SMUG1: variants seen among roughly 807,000 people sequenced by gnomAD.
SMUG1 encodes the protein single-strand-selective monofunctional uracil-DNA glycosylase 1, also known as single-strand selective monofunctional uracil DNA glycosylase.
SMUG1 carries 13 observed loss-of-function variants against 23.9 expected under a neutral mutation model. That is an observed-to-expected ratio of 0.54 (90% confidence interval 0.35 to 0.86). SMUG1 has a LOEUF of 0.86. SMUG1 is among the 40% of genes least tolerant of loss of function. SMUG1 has a pLI of 0.01. For missense variants in SMUG1, 313 were observed against 339.5 expected, an observed-to-expected ratio of 0.92 and a Z score of 0.61; for synonymous variants, 133 against 139.8, an observed-to-expected ratio of 0.95 and a Z score of 0.34.
chr12:54,183,608 C>A (rs1360239306), intron 3 of SMUG1, 48 bp downstream of exon 3: 1 of 1,596,028 alleles, frequency 6.3e-7, no homozygotes. Context: ...AGCCAAGCAT[C>A]CACCTAGAAC....
At chr12:54,175,736 C>T (rs541598173), downstream of SMUG1, among the ~76,000 whole-genome samples, 3 of 152,152 alleles carry the variant, frequency 2.0e-5, no homozygotes, top group African/African-American at 4.8e-5. Flanking sequence ...CAGTGAACAA[C>T]GTGAGGGTAA....
intron 4 of SMUG1, among the ~76,000 whole-genome samples, chr12:54,159,325 G>T (rs537849637): frequency 5.3e-4 from 80 of 152,346 alleles, no homozygotes; most frequent in African/African-American, 1.9e-3. Context: ...GCCACAGAGC[G>T]GGAGGGTCAC....
rs551681709 is a variant in SMUG1, at chr12:54,171,412, T to C, written c.*52+613A>G. ...TCACCATTAAACTATAGACTTGTGGTCGGGCGCGGTGGCTCACACTTGTAA... is the reference window on the plus strand; with the variant it reads ...TCACCATTAAACTATAGACTTGTGGCCGGGCGCGGTGGCTCACACTTGTAA... On this transcript the variant is annotated intron_variant and NMD_transcript_variant, in intron 3 of 4. Transcript: ENST00000509864. Among the ~76,000 whole-genome samples the C allele has an allele frequency of 3.2e-4, 47 of 148,660 alleles. 2 individuals carry two copies. The highest frequency in any genetic ancestry group is 1.1e-3 in the South Asian group (5 of 4,460).
Position 54,181,387 on chromosome 12 carries a change from T to C in SMUG1, c.*709A>G. The C allele has an allele frequency of 6.1e-6, 4 of 654,150 alleles. No individual in the cohort carries two copies. Among genetic ancestry groups the C allele is most frequent in the Non-Finnish European group, 1.1e-5 (4 of 380,822 alleles). The allele number at this position is 654,150 out of a possible 1,614,324, so 40.5% of individuals were successfully genotyped here. ...AATGAGCACCCACATGCCAAGCCCA[T>C]GCAAGGCACTTTCAAGTGTGATCTC... On this transcript the variant is annotated 3_prime_UTR_variant, in exon 4 of 4. Transcript: ENST00000682136.
chr12:54,182,123 C>T lies in SMUG1; in HGVS notation c.786G>A (p.Leu262=). 1 of 1,559,914 alleles carries T rather than the reference C, an allele frequency of 6.4e-7. No individual in the cohort carries two copies. Among genetic ancestry groups the T allele is most frequent in the Non-Finnish European group, 8.7e-7 (1 of 1,151,604 alleles). ...ATTTCAACAGCAGTGGCAGCAGCCC[C>T]AGCTCATTCAATCTTTCCTTGGCCA... ...EAVAKERLNE[L]GLLPLLLK The change falls in exon 4 of 4, where the codon CTG becomes CTA. Residue 262 remains leucine, a synonymous_variant. Coordinates refer to ENST00000682136, the MANE Select transcript of SMUG1 (RefSeq NM_001243787.2).
chr12:54,179,710 C>A (rs552639005), downstream of SMUG1, among the ~76,000 whole-genome samples: 33 of 152,266 alleles, frequency 2.2e-4, no homozygotes, highest in South Asian at 1.0e-3. Flanking sequence ...ACCACCTGCA[C>A]TTCTGACCAA....
chr12:54,165,219 G>A (rs958979015), intron 4 of SMUG1, among the ~76,000 whole-genome samples: 3 of 152,150 alleles, frequency 2.0e-5, no homozygotes, highest in African/African-American at 7.2e-5. Flanking sequence ...AGCAGGACCT[G>A]GTGTGACTGC....
In SMUG1 at chr12:54,182,379, A is replaced by C; in HGVS notation, c.530T>G (p.Leu177Arg). The C allele has an allele frequency of 6.2e-7, 1 of 1,614,200 alleles. No individual in the cohort carries two copies. The highest frequency in any genetic ancestry group is 8.5e-7 in the Non-Finnish European group (1 of 1,180,038). The part of the protein sequence containing the change: ...LLFLAPSGRN[L>R]TPAELPAKQR... Reference sequence around the variant, plus strand: ...CTTGGCAGGCAGCTCAGCAGGAGTAAGGTTGCGCCCGCTGGGAGCCAGGAA... The same window carrying C: ...CTTGGCAGGCAGCTCAGCAGGAGTACGGTTGCGCCCGCTGGGAGCCAGGAA... The change falls in exon 4 of 4, where the codon CTT becomes CGT. Residue 177 changes from leucine (L) to arginine (R), a missense_variant. Transcript: ENST00000682136.
chr12:54,178,031 ATCCT>A (rs1481770029), downstream of SMUG1, among the ~76,000 whole-genome samples: 24 of 152,230 alleles, frequency 1.6e-4, no homozygotes, highest in Admixed American at 1.2e-3. Flanking sequence ...TACAACTGGT[ATCCT>A]TCCAAGAAGA....
chr12:54,182,134 A>G lies in SMUG1; in HGVS notation c.775T>C (p.Leu259=). Residue 259 remains leucine (L), a synonymous_variant, in exon 4 of 4, where the codon TTG becomes CTG. Transcript: ENST00000682136. ...AGTGGCAGCAGCCCCAGCTCATTCA[A>G]TCTTTCCTTGGCCACTGCCTCCCAG... ...KGWEAVAKER[L]NELGLLPLLL... 4 of 1,568,928 alleles carry G rather than the reference A, an allele frequency of 2.5e-6. No individual in the cohort carries two copies. The highest frequency in any genetic ancestry group is 3.5e-4 in the Middle Eastern group (2 of 5,698).
chr12:54,184,936 G>A (rs1009870325), intron 2 of SMUG1, among the ~76,000 whole-genome samples: 3 of 152,236 alleles, frequency 2.0e-5, no homozygotes, highest in African/African-American at 7.2e-5. Context: ...GGCCAAGGCG[G>A]CTGAATCACC....
Position 54,181,861 on chromosome 12 carries a change from T to C in SMUG1, c.*235A>G, listed in dbSNP as rs1941142825. The C allele has an allele frequency of 7.0e-7, 1 of 1,421,434 alleles. No individual in the cohort carries two copies. Among genetic ancestry groups the C allele is most frequent in the Non-Finnish European group, 9.1e-7 (1 of 1,093,388 alleles). 88.1% of individuals were successfully genotyped at this position (1,421,434 alleles called of 1,614,324 possible). A position where few individuals can be genotyped will look rare whatever the true frequency, so the allele number is the denominator to read the frequency against. On this transcript the variant is annotated 3_prime_UTR_variant, in exon 4 of 4. Coordinates refer to ENST00000682136, the MANE Select transcript of SMUG1 (RefSeq NM_001243787.2). ...AGATTCCCTACAAAGTGGGGTCCCC[T>C]GAAAGGGGCAATGTTAAAAGGTAAA...
At chr12:54,163,451 A>C (rs1940337265), downstream of SMUG1, among the ~76,000 whole-genome samples, 1 of 152,270 alleles carries the variant, frequency 6.6e-6, no homozygotes, top group Non-Finnish European at 1.5e-5. Context: ...TAAAGTGCTT[A>C]GATTAGTGCC....
At chr12:54,163,789 G>A (rs1940349783), downstream of SMUG1, among the ~76,000 whole-genome samples, 1 of 152,206 alleles carries the variant, frequency 6.6e-6, no homozygotes, top group Admixed American at 6.5e-5. Flanking sequence ...TCTGTAAAAT[G>A]GGGATAATAA....
At chr12:54,168,111 G>A (rs1592346350) in intron 3 of SMUG1, among the ~76,000 whole-genome samples, 2 of 152,332 alleles carry the variant, frequency 1.3e-5, no homozygotes, top group Non-Finnish European at 1.5e-5. Context: ...GTCTTTGAGA[G>A]AGATGCTGTT....
chr12:54,182,773 G>A (rs1187007742), intron 3 of SMUG1, 150 bp from the exon 4 acceptor site: 11 of 1,410,874 alleles, frequency 7.8e-6, no homozygotes, highest in South Asian at 1.5e-5. Flanking sequence ...AAGGATTCTT[G>A]GCCCTATGGT....
rs373652924 is a variant in SMUG1 at position 54,183,636 on chromosome 12, G to A, written c.285+20C>T. On this transcript the variant is annotated intron_variant, in intron 3 of 3. Coordinates refer to ENST00000682136, the MANE Select transcript of SMUG1 (RefSeq NM_001243787.2). ...CCTAGAACCCCCCACTCCACCCACTGGGGAAGCCAAACCCTTTACCCCAGT... is the reference window on the plus strand; with the variant it reads ...CCTAGAACCCCCCACTCCACCCACTAGGGAAGCCAAACCCTTTACCCCAGT... The A allele has an allele frequency of 6.2e-7, 1 of 1,612,946 alleles. No individual in the cohort carries two copies. The highest frequency in any genetic ancestry group is 1.3e-5 in the African/African-American group (1 of 74,804).
Position 54,181,506 on chromosome 12 carries a change from A to G in SMUG1, c.*590T>C. 6.6e-7 allele frequency: 1 copy of G among 1,513,780 alleles called. No homozygotes were observed. Among genetic ancestry groups the G allele is most frequent in the Non-Finnish European group, 8.9e-7 (1 of 1,126,638 alleles). 93.8% of individuals were successfully genotyped at this position (1,513,780 alleles called of 1,614,324 possible). On this transcript the variant is annotated 3_prime_UTR_variant, in exon 4 of 4. Coordinates refer to ENST00000682136, the MANE Select transcript of SMUG1 (RefSeq NM_001243787.2). ...AGAGGTTTATTAATTTGTCAATCAAAAAGTTCCAAGTTTCAAAGCTGGGAT... is the reference window on the plus strand; with the variant it reads ...AGAGGTTTATTAATTTGTCAATCAAGAAGTTCCAAGTTTCAAAGCTGGGAT...
At chr12:54,163,286 C>A (rs1940332487), downstream of SMUG1, 1 of 152,202 alleles carries the variant, frequency 6.6e-6, no homozygotes, top group African/African-American at 2.4e-5. Context: ...AGCCAAAGTG[C>A]CTGGGCTCAA....
Sources: gnomAD v4.1 joint callset for allele counts (sites outside exome capture counted in the v4.1 genomes callset) on GRCh38, gnomAD v4.1.1 for gene constraint, MANE v1.5 for transcripts, NCBI Gene and HGNC (gene_info 2026-07-23, HGNC 2026-07-21) for gene names.